Variants in JARID2 observed in about 807,000 individuals in gnomAD.
The protein encoded by JARID2 is jumonji and AT-rich interaction domain containing 2.
Under a neutral mutation model 125.6 loss-of-function variants are expected in JARID2, and 21 were observed. That is an observed-to-expected ratio of 0.17 (90% confidence interval 0.12 to 0.24). JARID2 has a LOEUF of 0.24. Among genes scored for constraint, JARID2 ranks in the 10% least tolerant of loss-of-function variants. The pLI, the probability that JARID2 is intolerant of heterozygous loss-of-function variation, is 1.00. For missense variants in JARID2, 1,303 were observed against 1,639.6 expected (o/e 0.79, Z 3.55); for synonymous variants, 736 against 661.6 (o/e 1.11, Z -1.73).
intron 1 of JARID2, among the ~76,000 whole-genome samples, chr6:15,359,408 A>G (rs928220139): frequency 6.6e-6 from 1 of 152,062 alleles, no homozygotes; most frequent in Non-Finnish European, 1.5e-5. Context: ...CTGGAGAGAA[A>G]GTTCATTTCA....
intron 1 of JARID2, among the ~76,000 whole-genome samples, chr6:15,285,508 A>G (rs945950052): frequency 4.6e-5 from 7 of 152,224 alleles, no homozygotes; most frequent in Non-Finnish European, 8.8e-5. Flanking sequence ...TTTGTGAAGT[A>G]AAGTTAAACA....
At chr6:15,464,025 T>C (rs1245346292) in intron 4 of JARID2, among the ~76,000 whole-genome samples, 1 of 152,202 alleles carries the variant, frequency 6.6e-6, no homozygotes, top group Non-Finnish European at 1.5e-5. Context: ...TTAATTAATT[T>C]TAGTTTCTTA....
intron 1 of JARID2, among the ~76,000 whole-genome samples, chr6:15,272,380 T>G (rs547393100): frequency 6.6e-6 from 1 of 152,238 alleles, no homozygotes; most frequent in Non-Finnish European, 1.5e-5. Context: ...AATTTCTGCG[T>G]AGAGCTCTTA....
chr6:15,320,732 T>TGTG (rs1762322202), intron 1 of JARID2, among the ~76,000 whole-genome samples: 1 of 152,216 alleles, frequency 6.6e-6, no homozygotes, highest in Non-Finnish European at 1.5e-5. Flanking sequence ...GTATTTCATT[T>TGTG]GTGGAGTTAA....
intron 4 of JARID2, among the ~76,000 whole-genome samples, chr6:15,465,064 G>A (rs892753130): frequency 1.3e-5 from 2 of 152,048 alleles, no homozygotes; most frequent in African/African-American, 4.8e-5. Context: ...TTCTTTCCCA[G>A]CACCCAGCAG....
chr6:15,375,054 TAGG>T (rs1764300503), intron 2 of JARID2, among the ~76,000 whole-genome samples: 1 of 152,178 alleles, frequency 6.6e-6, no homozygotes, highest in Admixed American at 6.5e-5. Flanking sequence ...GCTCTGGTCT[TAGG>T]AGAGTCACCA....
intron 1 of JARID2, chr6:15,248,890 G>T: frequency 1.0e-6 from 1 of 985,424 alleles, no homozygotes; most frequent in South Asian, 4.7e-5. Flanking sequence ...GCCGGGCTGC[G>T]GCGTGGGAGG....
At chr6:15,295,878 G>C (rs2127402904) in intron 1 of JARID2, among the ~76,000 whole-genome samples, 1 of 152,280 alleles carries the variant, frequency 6.6e-6, no homozygotes, top group South Asian at 2.1e-4. Flanking sequence ...GGCCAGGCTG[G>C]TCTCGAACTC....
chr6:15,394,458 G>C (rs571453821), intron 2 of JARID2, among the ~76,000 whole-genome samples: 1 of 152,210 alleles, frequency 6.6e-6, no homozygotes, highest in Admixed American at 6.5e-5. Flanking sequence ...AAATTAGCTG[G>C]GTGTGGTGGC....
intron 3 of JARID2, among the ~76,000 whole-genome samples, chr6:15,442,022 T>TC (rs1290812363): frequency 6.6e-6 from 1 of 151,880 alleles, no homozygotes; most frequent in Admixed American, 6.6e-5. Flanking sequence ...CCTCAGGTGA[T>TC]CCCCCACGCC....
At chr6:15,434,352 T>A (rs1767110484) in intron 3 of JARID2, among the ~76,000 whole-genome samples, 2 of 152,154 alleles carry the variant, frequency 1.3e-5, no homozygotes, top group Admixed American at 1.3e-4. Context: ...GTGGTATCTT[T>A]CAGAGAGTGT....
intron 1 of JARID2, among the ~76,000 whole-genome samples, chr6:15,358,187 A>T (rs956693741): frequency 6.6e-6 from 1 of 152,164 alleles, no homozygotes; most frequent in Non-Finnish European, 1.5e-5. Context: ...AGCTTTAAAA[A>T]ATTTTTTGTT....
intron 3 of JARID2, among the ~76,000 whole-genome samples, chr6:15,416,720 A>AGG (rs1554134235): frequency 1.2e-5 from 1 of 86,022 alleles, no homozygotes; most frequent in Non-Finnish European, 2.3e-5. Flanking sequence ...GGAGAGGGAG[A>AGG]GGGGGGAGAG....
intron 2 of JARID2, among the ~76,000 whole-genome samples, chr6:15,378,954 G>A (rs1054118159): frequency 6.6e-6 from 1 of 152,202 alleles, no homozygotes; most frequent in Non-Finnish European, 1.5e-5. Flanking sequence ...CCCTTCATCT[G>A]TGTGAAGGGG....
chr6:15,403,641 T>G (rs1475575239), intron 2 of JARID2, among the ~76,000 whole-genome samples: 1 of 152,208 alleles, frequency 6.6e-6, no homozygotes, highest in African/African-American at 2.4e-5. Context: ...AACTTTTCCA[T>G]GTTAATAATG....
chr6:15,463,325 CCT>C (rs1249246206), intron 4 of JARID2, among the ~76,000 whole-genome samples: 1 of 152,082 alleles, frequency 6.6e-6, no homozygotes, highest in Non-Finnish European at 1.5e-5. Context: ...GAGGAGTCAG[CCT>C]CTCTCACTTG....
At chr6:15,450,885 C>T (rs186504491) in intron 3 of JARID2, among the ~76,000 whole-genome samples, 312 of 152,294 alleles carry the variant, frequency 2.0e-3, no homozygotes, top group African/African-American at 6.1e-3. Context: ...TGGTGGCTCA[C>T]GCCTGTAATC....
At chr6:15,358,474 CTCAGAGAT>C (rs1023399657) in intron 1 of JARID2, among the ~76,000 whole-genome samples, 1 of 152,168 alleles carries the variant, frequency 6.6e-6, no homozygotes, top group Admixed American at 6.5e-5. Context: ...TTACCTCTGA[CTCAGAGAT>C]TCAGGGTTAA....
Position 15,363,734 on chromosome 6 carries a change from GC to G in JARID2, c.46-10380del, listed in dbSNP as rs370878318. On this transcript the variant is annotated intron_variant, in intron 1 of 17. Transcript: ENST00000341776. ...GAGAATATGTACAGGAAATGTGTGT[GC>G]CCTGTCGCTTGGTGGACACACGTTA... Among the ~76,000 whole-genome samples, 734 of 152,326 alleles carry G rather than the reference GC, an allele frequency of 4.8e-3. 7 individuals carry two copies. Among genetic ancestry groups the G allele is most frequent in the African/African-American group, 0.016 (676 of 41,568 alleles).
Sources: allele counts gnomAD v4.1 joint callset (sites outside exome capture counted in the v4.1 genomes callset), GRCh38; gene constraint gnomAD v4.1.1; transcripts MANE v1.5; gene names NCBI Gene and HGNC (gene_info 2026-07-23, HGNC 2026-07-21).